The following PPM1H variants were observed in gnomAD, a reference collection of about 807,000 sequenced individuals.
PPM1H encodes protein phosphatase 1H.
PPM1H carries 27 observed loss-of-function variants against 54.9 expected under a neutral mutation model. The observed-to-expected ratio is 0.49, with a 90% CI of 0.36 to 0.68. The LOEUF (loss-of-function observed/expected upper bound fraction) is 0.68, where lower values mean the gene tolerates loss of function less well. Ranked by LOEUF, PPM1H falls within the 30% of genes least tolerant of loss-of-function variation. PPM1H has a pLI of 0.00. For synonymous variants in PPM1H, 305 were observed against 270.8 expected (o/e 1.13, Z -1.24); for missense variants, 596 against 667.8 (o/e 0.89, Z 1.19).
chr12:62,733,766 A>G (rs2076336241), intron 5 of PPM1H, among the ~76,000 whole-genome samples: 1 of 152,238 alleles, frequency 6.6e-6, no homozygotes, highest in African/African-American at 2.4e-5. Flanking sequence ...ATTAAAAAGG[A>G]TATGGGCAGC....
intron 4 of PPM1H, among the ~76,000 whole-genome samples, chr12:62,744,738 T>G (rs2076400909): frequency 6.6e-6 from 1 of 152,186 alleles, no homozygotes; most frequent in Non-Finnish European, 1.5e-5. Flanking sequence ...ACACCGGATG[T>G]GGTGCACAGT....
chr12:62,843,038 G>T (rs1868813774), intron 1 of PPM1H, among the ~76,000 whole-genome samples: 1 of 152,350 alleles, frequency 6.6e-6, no homozygotes, highest in Non-Finnish European at 1.5e-5. Context: ...TTCATAGGCT[G>T]GGCATGGTGG....
At chr12:62,673,184 C>T (rs1002384744) in intron 8 of PPM1H, among the ~76,000 whole-genome samples, 2 of 152,176 alleles carry the variant, frequency 1.3e-5, no homozygotes, top group Non-Finnish European at 2.9e-5. Context: ...CTAATGTGCT[C>T]TGAATGAGCC....
rs752047783 is a variant in PPM1H at position 62,802,009 on chromosome 12, G to A, written c.563C>T (p.Pro188Leu). 27 of 1,613,528 alleles carry A rather than the reference G, an allele frequency of 1.7e-5. 1 individual carries two copies. The highest frequency in any genetic ancestry group is 3.3e-4 in the Middle Eastern group (2 of 6,062). ...VDILKNSAVL[P>L]PTCLGEEPEN... ...AGGCTCCTCCCCCAGGCAGGTAGGG[G>A]GCAGGACGGCGGAGTTCTTCAGGAT... Residue 188 changes from proline (P) to leucine (L), a missense_variant, in exon 3 of 10, where the codon CCC becomes CTC. Around this residue, in one of 3 missense-constraint regions of PPM1H, gnomAD observed 382 missense variants for 387.1 expected, o/e 0.99. Transcript: ENST00000228705.
intron 1 of PPM1H, among the ~76,000 whole-genome samples, chr12:62,850,524 G>T (rs1419191686): frequency 1.3e-5 from 2 of 151,026 alleles, no homozygotes; most frequent in Non-Finnish European, 2.9e-5. Context: ...ACAACTATAG[G>T]ACAAAAATCT....
chr12:62,925,501 T>C (rs1417732795), intron 1 of PPM1H, among the ~76,000 whole-genome samples: 1 of 152,182 alleles, frequency 6.6e-6, no homozygotes, highest in Non-Finnish European at 1.5e-5. Flanking sequence ...TTGCTGGAAC[T>C]GGGGAGGCAG....
At chr12:62,806,904 C>T (rs2076808428) in intron 2 of PPM1H, among the ~76,000 whole-genome samples, 1 of 152,102 alleles carries the variant, frequency 6.6e-6, no homozygotes, top group South Asian at 2.1e-4. Context: ...AAAGAGAGGA[C>T]AAGGAGAAAT....
chr12:62,826,188 G>A (rs923183556), intron 2 of PPM1H, among the ~76,000 whole-genome samples: 1 of 152,122 alleles, frequency 6.6e-6, no homozygotes, highest in Admixed American at 6.5e-5. Flanking sequence ...AGTGGCTCAC[G>A]TCTGTAATCC....
At chr12:62,740,519 G>T (rs1036862058) in intron 4 of PPM1H, among the ~76,000 whole-genome samples, 3 of 152,142 alleles carry the variant, frequency 2.0e-5, no homozygotes, top group Non-Finnish European at 4.4e-5. Flanking sequence ...AGCCACCAAG[G>T]TTAGGTTAGG....
At chr12:62,866,184 C>T (rs528057701) in intron 1 of PPM1H, among the ~76,000 whole-genome samples, 9 of 152,168 alleles carry the variant, frequency 5.9e-5, no homozygotes, top group Non-Finnish European at 1.3e-4. Context: ...CCCTTGATCT[C>T]AGCAGGGCTC....
chr12:62,774,167 G>C (rs561790045), intron 4 of PPM1H, among the ~76,000 whole-genome samples: 1 of 152,274 alleles, frequency 6.6e-6, no homozygotes, highest in Admixed American at 6.5e-5. Flanking sequence ...GTAAGATCCT[G>C]TTAACTCCAC....
chr12:62,883,455 A>G (rs1186190426), intron 1 of PPM1H, among the ~76,000 whole-genome samples: 1 of 152,178 alleles, frequency 6.6e-6, no homozygotes, highest in African/African-American at 2.4e-5. Context: ...TCTGAGTCCC[A>G]AGTTAGAAAG....
At chr12:62,753,399 A>G (rs547440907) in intron 4 of PPM1H, among the ~76,000 whole-genome samples, 1 of 152,346 alleles carries the variant, frequency 6.6e-6, no homozygotes, top group East Asian at 1.9e-4. Flanking sequence ...AATCTTTAAT[A>G]TACTCACGTG....
At chr12:62,786,746 T>C (rs1333169273) in intron 4 of PPM1H, among the ~76,000 whole-genome samples, 8 of 152,292 alleles carry the variant, frequency 5.3e-5, no homozygotes, top group African/African-American at 7.2e-5. Context: ...ACCTGAGACA[T>C]GGGAATGGCA....
intron 8 of PPM1H, among the ~76,000 whole-genome samples, chr12:62,683,029 A>ATTTTTTTTT (rs1470803495): frequency 8.0e-6 from 1 of 125,462 alleles, no homozygotes; most frequent in Admixed American, 9.0e-5. Context: ...GGGAGAGTTT[A>ATTTTTTTTT]TTATTTATTA....
At chr12:62,885,605 G>A (rs574892424) in intron 1 of PPM1H, among the ~76,000 whole-genome samples, 1 of 152,192 alleles carries the variant, frequency 6.6e-6, no homozygotes, top group African/African-American at 2.4e-5. Flanking sequence ...ACACACAGTA[G>A]AGGGCTGGAA....
intron 8 of PPM1H, among the ~76,000 whole-genome samples, chr12:62,676,839 G>A (rs1231925047): frequency 6.6e-6 from 1 of 152,132 alleles, no homozygotes; most frequent in Non-Finnish European, 1.5e-5. Flanking sequence ...GAAGCACACA[G>A]GTTCCTGGGG....
chr12:62,661,450 G>C (rs1330215869), intron 9 of PPM1H, among the ~76,000 whole-genome samples: 2 of 152,162 alleles, frequency 1.3e-5, no homozygotes, highest in African/African-American at 4.8e-5. Context: ...GCCCAGGCTG[G>C]AGTGCAGTGG....
intron 6 of PPM1H, among the ~76,000 whole-genome samples, chr12:62,715,327 G>A (rs1482377525): frequency 2.0e-5 from 3 of 152,084 alleles, no homozygotes; most frequent in African/African-American, 7.2e-5. Flanking sequence ...GGAGGTGAGA[G>A]CCAAGGGGGT....
Sources: allele counts gnomAD v4.1 joint callset (sites outside exome capture counted in the v4.1 genomes callset), GRCh38; gene constraint gnomAD v4.1.1; regional missense constraint gnomAD v4.1.1; transcripts MANE v1.5; gene names NCBI Gene and HGNC (gene_info 2026-07-23, HGNC 2026-07-21).